Variants in STK32A observed in about 807,000 individuals in gnomAD.
STK32A encodes the protein serine/threonine kinase 32A.
A neutral mutation model predicts 53.2 loss-of-function variants in STK32A; 41 were observed. The observed-to-expected ratio is 0.77, with a 90% CI of 0.60 to 1.00. STK32A has a LOEUF of 1.00. STK32A is among the 50% of genes least tolerant of loss of function. The pLI is 0.00. For synonymous variants in STK32A, 166 were observed against 162.8 expected (o/e 1.02, Z -0.15); for missense variants, 458 against 485.8 (o/e 0.94, Z 0.54).
intron 2 of STK32A, among the ~76,000 whole-genome samples, chr5:147,275,439 C>T (rs1755211935): frequency 6.6e-6 from 1 of 152,022 alleles, no homozygotes; most frequent in South Asian, 2.1e-4. Context: ...GTTCCCCCTG[C>T]CTCAATTTCT....
At chr5:147,312,062 G>T (rs796712649) in intron 4 of STK32A, among the ~76,000 whole-genome samples, 9 of 152,162 alleles carry the variant, frequency 5.9e-5, no homozygotes, top group African/African-American at 2.2e-4. Flanking sequence ...CAAGACTTAC[G>T]TACAAGTTTC....
At chr5:147,254,551 C>G (rs560973904) in intron 2 of STK32A, among the ~76,000 whole-genome samples, 1 of 152,170 alleles carries the variant, frequency 6.6e-6, no homozygotes, top group South Asian at 2.1e-4. Context: ...AAGGGTGCAC[C>G]CTTACAGATA....
intron 6 of STK32A, among the ~76,000 whole-genome samples, chr5:147,350,354 C>A (rs980405026): frequency 3.3e-5 from 5 of 151,088 alleles, no homozygotes; most frequent in Admixed American, 3.3e-4. Context: ...ATAATATTTG[C>A]CTCTTACTTT....
At chr5:147,270,701 G>T (rs924077789) in intron 2 of STK32A, among the ~76,000 whole-genome samples, 1 of 152,122 alleles carries the variant, frequency 6.6e-6, no homozygotes. Flanking sequence ...ATAAATATAT[G>T]CAGCTTCACT....
intron 4 of STK32A, among the ~76,000 whole-genome samples, chr5:147,287,480 G>A (rs984584437): frequency 6.6e-6 from 1 of 152,114 alleles, no homozygotes; most frequent in Non-Finnish European, 1.5e-5. Context: ...CATAAAACCT[G>A]CCTCCATCCA....
At chr5:147,340,046 GT>G (rs1755328648) in intron 5 of STK32A, among the ~76,000 whole-genome samples, 1 of 152,150 alleles carries the variant, frequency 6.6e-6, no homozygotes, top group Non-Finnish European at 1.5e-5. Context: ...GCTTCCAGAC[GT>G]TGCCAAGGCA....
intron 2 of STK32A, among the ~76,000 whole-genome samples, chr5:147,256,674 G>A (rs979243757): frequency 2.0e-5 from 3 of 151,982 alleles, no homozygotes; most frequent in African/African-American, 7.3e-5. Context: ...ACCATGCCTG[G>A]CTAAGTTTGT....
intron 2 of STK32A, among the ~76,000 whole-genome samples, chr5:147,243,749 G>A (rs139080593): frequency 2.1e-4 from 23 of 111,060 alleles, no homozygotes; most frequent in East Asian, 1.7e-3. Flanking sequence ...AAAAAAAAAC[G>A]GCTTGCTTAT....
intron 2 of STK32A, among the ~76,000 whole-genome samples, chr5:147,253,220 G>T (rs938227739): frequency 2.6e-5 from 4 of 151,806 alleles, no homozygotes; most frequent in Admixed American, 6.6e-5. Context: ...AAATTTTTTG[G>T]CATGAGGGAA....
rs187376435 is a variant in STK32A, at chr5:147,327,417, C to A, written c.434+3346C>A. On this transcript the variant is annotated intron_variant, in intron 5 of 12. Coordinates refer to ENST00000397936, the MANE Select transcript of STK32A (RefSeq NM_001112724.2). ...TAAAAGTGAGAATGAAAAAAAGAAT[C>A]AATGAAAGTACAGTAGATCTCCCGG... Among the ~76,000 whole-genome samples, 10 of 152,272 alleles carry A rather than the reference C, an allele frequency of 6.6e-5. 1 individual carries two copies. The highest frequency in any genetic ancestry group is 5.9e-4 in the Admixed American group (9 of 15,294).
chr5:147,304,487 G>A (rs1753304800), intron 4 of STK32A, among the ~76,000 whole-genome samples: 1 of 152,164 alleles, frequency 6.6e-6, no homozygotes, highest in South Asian at 2.1e-4. Flanking sequence ...AATTCAGGGA[G>A]TATAAAGTCC....
At chr5:147,290,818 C>T (rs1227457423) in intron 4 of STK32A, among the ~76,000 whole-genome samples, 1 of 152,104 alleles carries the variant, frequency 6.6e-6, no homozygotes, top group African/African-American at 2.4e-5. Flanking sequence ...GAGCCCAGAG[C>T]TTGAGGATGC....
chr5:147,283,557 CAAGAAAACAAGG>C (rs901313321), intron 4 of STK32A, among the ~76,000 whole-genome samples: 3 of 150,486 alleles, frequency 2.0e-5, no homozygotes, highest in African/African-American at 7.3e-5. Context: ...CAAGATTAAC[CAAGAAAACAAGG>C]GAGAAAATCT....
chr5:147,395,613 T>C, the STK32A span: 3 of 1,613,728 alleles, frequency 1.9e-6, no homozygotes, highest in Non-Finnish European at 2.5e-6. Flanking sequence ...TTCGGCCGAG[T>C]AGGAGAGCCC....
rs985350146 is a variant in STK32A at position 147,387,517 on chromosome 5, G to A, written c.*3534G>A. On this transcript the variant is annotated 3_prime_UTR_variant, in exon 13 of 13. Coordinates refer to ENST00000397936, the MANE Select transcript of STK32A (RefSeq NM_001112724.2). ...CTAGTAGGGACCAGTGTTGCTGCTT[G>A]TGGCTGAGGCAGTAATGCTAAGGCT... is the stretch of plus-strand genomic sequence containing the variant. 12 of 152,250 alleles carry A rather than the reference G, an allele frequency of 7.9e-5. No homozygotes were observed. Among genetic ancestry groups the A allele is most frequent in the African/African-American group, 2.7e-4 (11 of 41,454 alleles). 9.4% of individuals were successfully genotyped at this position (152,250 alleles called of 1,614,324 possible).
intron 4 of STK32A, among the ~76,000 whole-genome samples, chr5:147,292,602 C>T (rs1268493222): frequency 6.6e-6 from 1 of 152,200 alleles, no homozygotes; most frequent in Non-Finnish European, 1.5e-5. Context: ...GGTGCATTGG[C>T]TGATGCCTAT....
intron 4 of STK32A, among the ~76,000 whole-genome samples, chr5:147,313,133 GC>G (rs1753787216): frequency 6.6e-6 from 1 of 151,940 alleles, no homozygotes; most frequent in African/African-American, 2.4e-5. Flanking sequence ...TACTCAGGAG[GC>G]TGAGATGGAA....
chr5:147,350,714 C>T (rs770072355), intron 6 of STK32A, among the ~76,000 whole-genome samples: 6 of 152,076 alleles, frequency 3.9e-5, no homozygotes, highest in South Asian at 2.1e-4. Context: ...TGTTTGGAAA[C>T]GTGATACTTT....
intron 11 of STK32A, chr5:147,383,044 A>G: frequency 4.9e-6 from 1 of 202,702 alleles, no homozygotes; most frequent in Admixed American, 6.3e-5. Context: ...GCTCCGGAAC[A>G]TGTGTGTGCT....
Sources: gnomAD v4.1 joint callset for allele counts (sites outside exome capture counted in the v4.1 genomes callset) on GRCh38, gnomAD v4.1.1 for gene constraint, MANE v1.5 for transcripts, NCBI Gene and HGNC (gene_info 2026-07-23, HGNC 2026-07-21) for gene names.